EP300: variants seen among roughly 807,000 people sequenced by gnomAD.
The protein encoded by EP300 is EP300 lysine acetyltransferase.
EP300 carries 31 observed loss-of-function variants against 264.0 expected under a neutral mutation model. That is an observed-to-expected ratio of 0.12 (90% CI 0.09 to 0.16). EP300 has a LOEUF of 0.16. EP300 is among the 10% of genes least tolerant of loss of function. The pLI is 1.00. For synonymous variants in EP300, 1,340 were observed against 1,045.4 expected, an observed-to-expected ratio of 1.28 and a Z score of -5.44; for missense variants, 2,766 against 3,052.9, an observed-to-expected ratio of 0.91 and a Z score of 2.21.
At chr22:41,164,170 T>G in intron 22 of EP300, 40 bp downstream of exon 22, 1 of 1,563,142 alleles carries the variant, frequency 6.4e-7, no homozygotes, top group Non-Finnish European at 8.8e-7. Flanking sequence ...AATTTTTCTT[T>G]ATCGTGAATA....
In EP300 at chr22:41,141,332, ATAAC is replaced by A. The variant is rs1417776398; in HGVS notation, c.2053+111_2053+114del. On this transcript the variant is annotated intron_variant, in intron 10 of 30. Coordinates refer to ENST00000263253, the MANE Select transcript of EP300 (RefSeq NM_001429.4). ...GTGTAACTATTCTAGAGTTTTTTAA[ATAAC>A]CATTTGCCTTTGCAAAGAAAATAAC... 22 of 1,231,406 alleles carry A rather than the reference ATAAC, an allele frequency of 1.8e-5. No homozygotes were observed. The Middle Eastern group carries it at 6.5e-4, about 36-fold the overall frequency. 76.3% of individuals were successfully genotyped at this position (1,231,406 alleles called of 1,614,324 possible). A position where few individuals can be genotyped will look rare whatever the true frequency, so the allele number is the denominator to read the frequency against.
chr22:41,121,827 G>A (rs1437207917), intron 2 of EP300, among the ~76,000 whole-genome samples: 2 of 152,146 alleles, frequency 1.3e-5, no homozygotes, highest in African/African-American at 4.8e-5. Context: ...GGACTCTTGA[G>A]GGCATAATTT....
chr22:41,154,376 C>CTTTTTTTTTTTTTCTTTTTT (rs2059064428), intron 16 of EP300, among the ~76,000 whole-genome samples: 1 of 61,792 alleles, frequency 1.6e-5, no homozygotes, highest in African/African-American at 6.2e-5. Flanking sequence ...CTTGTGCACT[C>CTTTTTTTTTTTTTCTTTTTT]TTTTTTTTTT....
At chr22:41,129,016 CA>C (rs1232076420) in intron 4 of EP300, among the ~76,000 whole-genome samples, 1 of 150,806 alleles carries the variant, frequency 6.6e-6, no homozygotes, top group East Asian at 2.0e-4. Flanking sequence ...GATAAAAACA[CA>C]GTTTTTTTTT....
chr22:41,110,976 TA>T (rs57890602), intron 1 of EP300, among the ~76,000 whole-genome samples: 5,972 of 137,152 alleles, frequency 0.044, 361 homozygotes, highest in East Asian at 0.24. Flanking sequence ...TTTTTTTTTT[TA>T]AATTTGAGAT....
chr22:41,147,358 TGTTA>T (rs2059017144), intron 11 of EP300, among the ~76,000 whole-genome samples: 2 of 151,294 alleles, frequency 1.3e-5, no homozygotes, highest in African/African-American at 2.4e-5. Context: ...TTGGAGATCC[TGTTA>T]GTTGATAATG....
chr22:41,169,795 A>G (rs931454257), intron 26 of EP300, among the ~76,000 whole-genome samples, 179 bp downstream of exon 26: 2 of 152,174 alleles, frequency 1.3e-5, no homozygotes, highest in Non-Finnish European at 2.9e-5. Context: ...AGAGAAATGG[A>G]TATGTTGGCC....
At chr22:41,117,924 AC>A (rs2058830822) in intron 2 of EP300, 103 bp downstream of exon 2, 6 of 1,560,420 alleles carry the variant, frequency 3.8e-6, no homozygotes, top group Non-Finnish European at 4.4e-6. Context: ...CCACTATTAC[AC>A]GCCAGGAATT....
chr22:41,096,213 C>A (rs985783877), intron 1 of EP300, among the ~76,000 whole-genome samples: 2 of 151,834 alleles, frequency 1.3e-5, no homozygotes, highest in East Asian at 3.9e-4. Context: ...GTAAAAATGA[C>A]CAAAAGACTG....
Position 41,152,239 on chromosome 22 carries a change from G to A in EP300, c.3031G>A (p.Glu1011Lys), listed in dbSNP as rs775368605. 4.3e-5 allele frequency: 69 copies of A among 1,613,906 alleles called. No individual in the cohort carries two copies. The highest frequency in any genetic ancestry group is 1.3e-4 in the South Asian group (12 of 91,072). The change falls in exon 16 of 31, where the codon GAA (glutamate) becomes AAA (lysine). Residue 1011 changes from glutamate to lysine, a missense_variant. Glu to Lys is a moderately conservative substitution (Grantham distance 56). Transcript: ENST00000263253. ...KVEDCKMEST[E>K]TEERSTELKT... ...GGAAGACTGTAAAATGGAATCTACC[G>A]AAACAGAAGAGAGAAGCACTGAGTT...
chr22:41,179,041 T>C lies in EP300; in HGVS notation c.*85T>C. 6.5e-7 allele frequency: 1 copy of C among 1,528,430 alleles called. No individual in the cohort carries two copies. The highest frequency in any genetic ancestry group is 8.9e-7 in the Non-Finnish European group (1 of 1,121,860). The allele number at this position is 1,528,430 out of a possible 1,614,324, so 94.7% of individuals were successfully genotyped here. On this transcript the variant is annotated 3_prime_UTR_variant, in exon 31 of 31. Transcript: ENST00000263253. Reference sequence around the variant, plus strand: ...ACTGAAAACAATTTTTTTGAATCTTTCGTAGCCTAAAAGACAATTTTCCTT... The same window carrying C: ...ACTGAAAACAATTTTTTTGAATCTTCCGTAGCCTAAAAGACAATTTTCCTT...
In EP300 at chr22:41,176,888, G is replaced by A; in HGVS notation, c.5177G>A (p.Ser1726Asn). The A allele has an allele frequency of 1.9e-6, 3 of 1,614,108 alleles. No homozygotes were observed. Among genetic ancestry groups the A allele is most frequent in the South Asian group, 1.1e-5 (1 of 91,084 alleles). Residue 1726 changes from serine (S) to asparagine (N), a missense_variant, in exon 31 of 31, where the codon AGC becomes AAC. Physicochemically the swap from Ser to Asn is conservative, Grantham distance 46. Transcript: ENST00000263253. ...SNNQQAAATQ[S>N]PGDSRRLSIQ... ...AACCAGCAGGCTGCAGCCACCCAGA[G>A]CCCAGGCGATTCTCGCCGCCTGAGT... is the stretch of plus-strand genomic sequence containing the variant.
intron 10 of EP300, among the ~76,000 whole-genome samples, chr22:41,144,362 A>G (rs1386310140): frequency 6.6e-6 from 1 of 151,988 alleles, no homozygotes; most frequent in African/African-American, 2.4e-5. Flanking sequence ...ATATTTATAT[A>G]TATACATTTT....
chr22:41,111,741 T>C lies in EP300; in HGVS notation c.95-5446T>C, dbSNP rs573910209. 1.4e-4 allele frequency among the ~76,000 whole-genome samples: 21 copies of C among 151,964 alleles called. No homozygotes were observed. The East Asian group carries it at 4.1e-3, about 29-fold the overall frequency. On this transcript the variant is annotated intron_variant, in intron 1 of 30. Transcript: ENST00000263253. The stretch of plus-strand genomic sequence containing the variant: ...TTTTGGTAGAGACGGGGTTTCTCCA[T>C]GTTGCTCAGGCTGGTCTCGAACACC...
intron 5 of EP300, 33 bp from the exon 6 acceptor site, chr22:41,131,355 A>G (rs748027173): frequency 3.7e-5 from 60 of 1,610,664 alleles, no homozygotes; most frequent in Non-Finnish European, 4.8e-5. Context: ...CACCAGCATT[A>G]ATTTGTAATA....
In EP300 at chr22:41,172,559, G is replaced by A. The variant is rs1555911574; in HGVS notation, c.4513G>A (p.Glu1505Lys). ...LTSAKELPYF[E>K]GDFWPNVLEE... ...AAGTGCAAAGGAATTGCCTTATTTCGAGGGTGATTTCTGGCCCAATGTTCT... is the reference window on the plus strand; with the variant it reads ...AAGTGCAAAGGAATTGCCTTATTTCAAGGGTGATTTCTGGCCCAATGTTCT... Residue 1505 changes from glutamate to lysine, a missense_variant, in exon 28 of 31, where the codon GAG (glutamate) becomes AAG (lysine). Coordinates refer to ENST00000263253, the MANE Select transcript of EP300 (RefSeq NM_001429.4). 1 of 1,614,036 alleles carries A rather than the reference G, an allele frequency of 6.2e-7. No homozygotes were observed. Among genetic ancestry groups the A allele is most frequent in the Non-Finnish European group, 8.5e-7 (1 of 1,179,964 alleles).
chr22:41,158,517 G>GTGGACACA lies in EP300; in HGVS notation c.3590+22_3590+23insACATGGAC. ...CCAGAACAGGTAAGCTTGGCCAGGT[G>GTGGACACA]TGGACCATGGTCCATGTGTCCACAT... On this transcript the variant is annotated intron_variant, in intron 19 of 30. Coordinates refer to ENST00000263253, the MANE Select transcript of EP300 (RefSeq NM_001429.4). 4 of 1,607,626 alleles carry GTGGACACA rather than the reference G, an allele frequency of 2.5e-6. No homozygotes were observed. Among genetic ancestry groups the GTGGACACA allele is most frequent in the Non-Finnish European group, 3.4e-6 (4 of 1,174,450 alleles).
In EP300 at chr22:41,148,947, A is replaced by G. The variant is rs2059027290; in HGVS notation, c.2242-91A>G. ...GTCTTTGGCTTTTCTCTACTTAATA[A>G]GCCTGACGTTAGGAGCATTTGATGA... On this transcript the variant is annotated intron_variant, in intron 12 of 30. Coordinates refer to ENST00000263253, the MANE Select transcript of EP300 (RefSeq NM_001429.4). 6.3e-6 allele frequency: 10 copies of G among 1,579,212 alleles called. No homozygotes were observed. In the Admixed American group the frequency reaches 1.5e-4, roughly 24 times the overall value.
chr22:41,147,107 C>A (rs1266827145), intron 11 of EP300, among the ~76,000 whole-genome samples: 2 of 151,614 alleles, frequency 1.3e-5, no homozygotes, highest in African/African-American at 4.8e-5. Flanking sequence ...AGTACGAGAC[C>A]AGCCTGGCCA....
Sources: allele counts gnomAD v4.1 joint callset (sites outside exome capture counted in the v4.1 genomes callset), GRCh38; gene constraint gnomAD v4.1.1; transcripts MANE v1.5; gene names NCBI Gene and HGNC (gene_info 2026-07-23, HGNC 2026-07-21).